MEIOSIN: variants seen among roughly 807,000 people sequenced by gnomAD.
MEIOSIN encodes the protein meiosis initiator protein.
A neutral mutation model predicts 23.4 loss-of-function variants in MEIOSIN; 18 were observed. The observed-to-expected ratio is 0.77, with a 90% CI of 0.53 to 1.14. The LOEUF (loss-of-function observed/expected upper bound fraction) is 1.14, where lower values mean the gene tolerates loss of function less well. Ranked by LOEUF, MEIOSIN falls within the 50% of genes most tolerant of loss-of-function variation. The pLI, the probability that MEIOSIN is intolerant of heterozygous loss-of-function variation, is 0.00. For synonymous variants in MEIOSIN, 187 were observed against 100.6 expected, an observed-to-expected ratio of 1.86 and a Z score of -5.14; for missense variants, 428 against 242.9, an observed-to-expected ratio of 1.76 and a Z score of -5.07.
chr19:45,745,778 G>A (rs2146181837), intron 4 of MEIOSIN, among the ~76,000 whole-genome samples: 1 of 152,160 alleles, frequency 6.6e-6, no homozygotes, highest in South Asian at 2.1e-4. Flanking sequence ...CACCATATTG[G>A]TCAGGCCGGT....
chr19:45,748,076 C>T (rs1389500654), intron 4 of MEIOSIN, among the ~76,000 whole-genome samples: 4 of 151,656 alleles, frequency 2.6e-5, no homozygotes, highest in Non-Finnish European at 5.9e-5. Flanking sequence ...AGAGTAAGAC[C>T]CTGTCTTTTT....
chr19:45,736,746 T>A (rs886253176), intron 2 of MEIOSIN, among the ~76,000 whole-genome samples: 6 of 151,162 alleles, frequency 4.0e-5, no homozygotes, highest in South Asian at 2.1e-4. Flanking sequence ...TTTTTTATAT[T>A]TTTTTTAGTA....
At chr19:45,761,257 T>G (rs1968935047) in intron 11 of MEIOSIN, among the ~76,000 whole-genome samples, 1 of 151,714 alleles carries the variant, frequency 6.6e-6, no homozygotes, top group Non-Finnish European at 1.5e-5. Flanking sequence ...CCAGAGTAGC[T>G]GGGACTACAG....
chr19:45,737,088 C>T (rs1427912894), intron 2 of MEIOSIN, among the ~76,000 whole-genome samples: 1 of 151,766 alleles, frequency 6.6e-6, no homozygotes, highest in Admixed American at 6.6e-5. Context: ...AGGCTGGTCT[C>T]GAACTCCTGA....
In MEIOSIN at chr19:45,745,920, C is replaced by T. The variant is rs73044243; in HGVS notation, c.306+599C>T. Among the ~76,000 whole-genome samples, 930 of 152,222 alleles carry T rather than the reference C, an allele frequency of 6.1e-3. 6 individuals are homozygous for T. The highest frequency in any genetic ancestry group is 0.034 in the Middle Eastern group (10 of 294). Reference sequence around the variant, plus strand: ...GAGTTCAGAAGTCCAATATCAGTCTCAGTGGCTTTTTCACTTGTTTGGTTG... The same window carrying T: ...GAGTTCAGAAGTCCAATATCAGTCTTAGTGGCTTTTTCACTTGTTTGGTTG... On this transcript the variant is annotated intron_variant, in intron 4 of 14. Transcript: ENST00000457052.
chr19:45,758,724 C>T (rs10401971), intron 9 of MEIOSIN, among the ~76,000 whole-genome samples, 154 bp from the exon 10 acceptor site: 71,896 of 152,198 alleles, frequency 0.47, 17,377 homozygotes, highest in East Asian at 0.65. Context: ...CCATCGCAGC[C>T]GGCTGCCTCT....
intron 5 of MEIOSIN, among the ~76,000 whole-genome samples, chr19:45,752,452 C>G (rs1305273919): frequency 1.3e-5 from 2 of 152,174 alleles, no homozygotes; most frequent in East Asian, 3.9e-4. Context: ...AGTGATCCAC[C>G]CATCTCAGCC....
chr19:45,755,887 C>A, intron 7 of MEIOSIN, 83 bp from the exon 8 acceptor site: 1 of 648,002 alleles, frequency 1.5e-6, no homozygotes, highest in South Asian at 1.7e-5. Context: ...GTGGCAGAAG[C>A]TGGCACCCCT....
chr19:45,760,413 T>A (rs916666830), intron 11 of MEIOSIN, among the ~76,000 whole-genome samples: 3 of 143,068 alleles, frequency 2.1e-5, no homozygotes, highest in African/African-American at 7.9e-5. Flanking sequence ...GACCAACCAG[T>A]CTGGCCATCA....
chr19:45,759,003 T>C lies in MEIOSIN; in HGVS notation c.1138T>C (p.Leu380=). 1 of 703,058 alleles carries C rather than the reference T, an allele frequency of 1.4e-6. No individual in the cohort carries two copies. Among genetic ancestry groups the C allele is most frequent in the East Asian group, 2.7e-5 (1 of 37,292 alleles). 43.6% of individuals were successfully genotyped at this position (703,058 alleles called of 1,614,324 possible). ...SPGKLLPDEI[L]EDDMEYLTQA... ...AGGGAAACTGCTGCCAGACGAGATC[T>C]TGGAGGATGACATGGAGTACCTGAC... The change falls in exon 10 of 15, where the codon TTG becomes CTG. Residue 380 remains leucine (L), a synonymous_variant. Transcript: ENST00000457052.
chr19:45,748,327 G>T (rs148151430), intron 4 of MEIOSIN, among the ~76,000 whole-genome samples: 1 of 152,250 alleles, frequency 6.6e-6, no homozygotes, highest in African/African-American at 2.4e-5. Context: ...TGATCCACCC[G>T]CCTCGGGCTC....
chr19:45,739,067 G>C (rs1334305996), intron 2 of MEIOSIN, among the ~76,000 whole-genome samples: 1 of 152,166 alleles, frequency 6.6e-6, no homozygotes, highest in Admixed American at 6.6e-5. Flanking sequence ...TGATGTTGCC[G>C]GGAATCTGCG....
intron 3 of MEIOSIN, 43 bp from the exon 4 acceptor site, chr19:45,745,149 G>A (rs10404220): frequency 0.49 from 340,494 of 701,766 alleles, 85,124 homozygotes; most frequent in East Asian, 0.67. Context: ...TGTGGAATTC[G>A]TTTTGGATGT....
At chr19:45,754,816 G>A (rs1255320877) in intron 7 of MEIOSIN, 92 bp downstream of exon 7, 2 of 663,236 alleles carry the variant, frequency 3.0e-6, no homozygotes. Flanking sequence ...CCCGTAGTGG[G>A]GGCTGCAGCA....
chr19:45,752,863 A>T (rs1044021015), intron 5 of MEIOSIN, among the ~76,000 whole-genome samples: 1 of 149,728 alleles, frequency 6.7e-6, no homozygotes, highest in Non-Finnish European at 1.5e-5. Flanking sequence ...CTGTCCCCAG[A>T]CACCCCGCGC....
chr19:45,753,869 TG>T (rs1968764641), intron 6 of MEIOSIN, 81 bp downstream of exon 6: 3 of 635,218 alleles, frequency 4.7e-6, no homozygotes, highest in Non-Finnish European at 8.5e-6. Context: ...GTCCTTACTC[TG>T]GGGGCCTTCT....
At chr19:45,761,075 C>T (rs1262994448) in intron 11 of MEIOSIN, among the ~76,000 whole-genome samples, 2 of 151,886 alleles carry the variant, frequency 1.3e-5, no homozygotes, top group Non-Finnish European at 2.9e-5. Context: ...CCTCCCACAC[C>T]ACCATGCCCA....
chr19:45,762,237 C>T (rs1308199813), intron 13 of MEIOSIN, 54 bp downstream of exon 13: 3 of 404,656 alleles, frequency 7.4e-6, no homozygotes, highest in African/African-American at 2.1e-5. Flanking sequence ...CGTTCTCTGC[C>T]CGCAGCCTGG....
chr19:45,753,155 G>A (rs1257307832), intron 5 of MEIOSIN, among the ~76,000 whole-genome samples: 1 of 152,116 alleles, frequency 6.6e-6, no homozygotes, highest in African/African-American at 2.4e-5. Context: ...TCAGGGAGAT[G>A]AGGAAAGACA....
Sources: allele counts gnomAD v4.1 joint callset (sites outside exome capture counted in the v4.1 genomes callset), GRCh38; gene constraint gnomAD v4.1.1; transcripts MANE v1.5; gene names NCBI Gene and HGNC (gene_info 2026-07-23, HGNC 2026-07-21).